Variants in TRIM62 observed in about 807,000 individuals in gnomAD.
TRIM62 encodes the protein E3 ubiquitin-protein ligase TRIM62.
In TRIM62, 39 loss-of-function variants were observed where a neutral mutation model predicts 44.2. That is an observed-to-expected ratio of 0.88 (90% CI 0.68 to 1.15). The LOEUF (loss-of-function observed/expected upper bound fraction) is 1.15, where lower values mean the gene tolerates loss of function less well. TRIM62 is among the 50% of genes most tolerant of loss of function. TRIM62 has a pLI of 0.00. For synonymous variants in TRIM62, 278 were observed against 292.3 expected, an observed-to-expected ratio of 0.95 and a Z score of 0.50; for missense variants, 544 against 665.5, an observed-to-expected ratio of 0.82 and a Z score of 2.01.
rs1225629843 is a variant in TRIM62, at chr1:33,177,345, AG to A, written c.408+3679del. On this transcript the variant is annotated intron_variant, in intron 1 of 4. Coordinates refer to ENST00000291416, the MANE Select transcript of TRIM62 (RefSeq NM_018207.3). The surrounding 1 kb of genome is among the most constrained non-coding windows in gnomAD (Gnocchi z 4.1). ...GCACAGTACTAGGCACTTCTGATAA[AG>A]GATCCCTAACCCTTACAACATCCTT... Among the ~76,000 whole-genome samples the A allele has an allele frequency of 6.6e-6, 1 of 152,224 alleles. No homozygotes were observed. Among genetic ancestry groups the A allele is most frequent in the Non-Finnish European group, 1.5e-5 (1 of 68,030 alleles).
chr1:33,175,001 G>GTATTTATATGTATATGTATATGTA (rs56292337), intron 1 of TRIM62, among the ~76,000 whole-genome samples: 13,038 of 135,442 alleles, frequency 0.096, 942 homozygotes, highest in Middle Eastern at 0.16. Context: ...ACACACACAT[G>GTATTTATATGTATATGTATATGTA]TATGTATATG....
chr1:33,162,634 C>T (rs1021037077), intron 2 of TRIM62, among the ~76,000 whole-genome samples: 3 of 152,108 alleles, frequency 2.0e-5, no homozygotes, highest in African/African-American at 7.2e-5. Context: ...GGTGCAGGCT[C>T]CAGCTTCTTT....
In TRIM62 at chr1:33,176,989, A is replaced by G. The variant is rs180957273; in HGVS notation, c.408+4036T>C. Among the ~76,000 whole-genome samples the G allele has an allele frequency of 2.6e-3, 397 of 152,278 alleles. 2 individuals carry two copies. The highest frequency in any genetic ancestry group is 8.0e-3 in the African/African-American group (334 of 41,548). On this transcript the variant is annotated intron_variant, in intron 1 of 4. Transcript: ENST00000291416. The stretch of plus-strand genomic sequence containing the variant: ...TTCCCTCCACTTTGCTCAGTGGTCC[A>G]GGTACTCAGCAGTGGAGGTGGGGAG...
Position 33,159,728 on chromosome 1 carries a change from G to C in TRIM62, c.721C>G (p.Arg241Gly). Residue 241 changes from arginine to glycine, a missense_variant, in exon 3 of 5, where the codon CGG becomes GGG. Transcript: ENST00000291416. The surrounding 1 kb of genome is among the most constrained non-coding windows in gnomAD (Gnocchi z 4.2). ...ILQERLAETD[R>G]HTFLAGVASL... is the part of the protein sequence containing the mutation. ...GCCACCCCAGCCAGGAAGGTGTGCCGGTCGGTTTCAGCCAGCCGCTCCTGC... is the reference window on the plus strand; with the variant it reads ...GCCACCCCAGCCAGGAAGGTGTGCCCGTCGGTTTCAGCCAGCCGCTCCTGC... The C allele has an allele frequency of 6.2e-7, 1 of 1,611,946 alleles. No individual in the cohort carries two copies.
chr1:33,158,108 A>T (rs1368608814), intron 4 of TRIM62, 145 bp downstream of exon 4: 2 of 653,628 alleles, frequency 3.1e-6, no homozygotes, highest in Non-Finnish European at 5.4e-6. Context: ...GCAGGTGCCC[A>T]GGACAGGTCC....
Position 33,181,078 on chromosome 1 carries a change from G to C in TRIM62, c.355C>G (p.Leu119Val), listed in dbSNP as rs1353279723. 2 of 1,599,224 alleles carry C rather than the reference G, an allele frequency of 1.3e-6. No homozygotes were observed. Among genetic ancestry groups the C allele is most frequent in the Admixed American group, 3.3e-5 (2 of 59,776 alleles). Residue 119 changes from leucine to valine, a missense_variant, in exon 1 of 5, where the codon CTG becomes GTG. Transcript: ENST00000291416. The surrounding 1 kb of genome is among the most constrained non-coding windows in gnomAD (Gnocchi z 6.5). ...LLCFFCDEPA[L>V]HEQHQVTGID... ...CCGGTGACCTGATGCTGCTCGTGCA[G>C]TGCAGGCTCGTCGCAGAAGAAGCAG...
At chr1:33,156,694 G>T (rs1645183459) in intron 4 of TRIM62, among the ~76,000 whole-genome samples, 1 of 152,118 alleles carries the variant, frequency 6.6e-6, no homozygotes, top group Non-Finnish European at 1.5e-5. Flanking sequence ...TAATGATGCT[G>T]GTGCTGACCT....
At chr1:33,160,018 G>A (rs1439110803) in intron 2 of TRIM62, 74 bp from the exon 3 acceptor site, 19 of 1,555,584 alleles carry the variant, frequency 1.2e-5, no homozygotes, top group South Asian at 1.2e-4. Flanking sequence ...GGAGGAAATC[G>A]AGAGCCTTGA....
rs1023341470 is a variant in TRIM62 at position 33,149,459 on chromosome 1, A to T, written c.878-1732T>A. On this transcript the variant is annotated intron_variant, in intron 4 of 4. Coordinates refer to ENST00000291416, the MANE Select transcript of TRIM62 (RefSeq NM_018207.3). ...ATGAGCCACTGTGCTGGATTCTTTT[A>T]AAAAAAAAAAATACAGACAGGGTCT... 8.9e-4 allele frequency among the ~76,000 whole-genome samples: 121 copies of T among 135,564 alleles called. 1 individual carries two copies. Among genetic ancestry groups the T allele is most frequent in the Admixed American group, 3.2e-3 (45 of 13,990 alleles). 88.9% of individuals were successfully genotyped at this position (135,564 alleles called of 152,430 possible). A position where few individuals can be genotyped will look rare whatever the true frequency, so the allele number is the denominator to read the frequency against.
chr1:33,173,700 T>TA (rs1398764304), intron 1 of TRIM62, among the ~76,000 whole-genome samples: 1 of 150,170 alleles, frequency 6.7e-6, no homozygotes, highest in African/African-American at 2.5e-5. Flanking sequence ...TTTCCCTAAT[T>TA]AAAAAAAATT....
Position 33,165,567 on chromosome 1 carries a change from C to G in TRIM62, c.409-1G>C. Reference sequence around the variant, plus strand: ...CCTGAAGTTGGTCCTTCAGCTCCCTCTGAAACACACACAGGGCCGGGATGG... The same window carrying G: ...CCTGAAGTTGGTCCTTCAGCTCCCTGTGAAACACACACAGGGCCGGGATGG... On this transcript the variant is annotated splice_acceptor_variant, in intron 1 of 4. Coordinates refer to ENST00000291416, the MANE Select transcript of TRIM62 (RefSeq NM_018207.3). LOFTEE classifies it high-confidence loss of function. This position sits in a 1 kb window ranked among gnomAD's most constrained non-coding sequence, Gnocchi z 4.0. The G allele has an allele frequency of 6.2e-7, 1 of 1,605,110 alleles. No individual in the cohort carries two copies. Among genetic ancestry groups the G allele is most frequent in the Middle Eastern group, 1.7e-4 (1 of 5,966 alleles).
rs924923456 is a variant in TRIM62, at chr1:33,157,389, T to C, written c.877+864A>G. On this transcript the variant is annotated intron_variant, in intron 4 of 4. Coordinates refer to ENST00000291416, the MANE Select transcript of TRIM62 (RefSeq NM_018207.3). ...TCCTCCAGATACCTACGTGGCTCACTCTTCTTCAGCCCTTGACTCTAATGC... is the reference window on the plus strand; with the variant it reads ...TCCTCCAGATACCTACGTGGCTCACCCTTCTTCAGCCCTTGACTCTAATGC... Among the ~76,000 whole-genome samples the C allele has an allele frequency of 3.3e-5, 5 of 152,244 alleles. 1 individual carries two copies. Among genetic ancestry groups the C allele is most frequent in the Middle Eastern group, 6.8e-3 (2 of 294 alleles).
In TRIM62 at chr1:33,167,822, T is replaced by C. The variant is rs1645342174; in HGVS notation, c.409-2256A>G. The stretch of plus-strand genomic sequence containing the variant: ...TGGGAAAATATTCATGATGACATGC[T>C]GATGGAAGAATGCAGGAAACAAAAT... On this transcript the variant is annotated intron_variant, in intron 1 of 4. Transcript: ENST00000291416. The surrounding 1 kb of genome is among the most constrained non-coding windows in gnomAD (Gnocchi z 4.2). Among the ~76,000 whole-genome samples the C allele has an allele frequency of 6.6e-6, 1 of 152,226 alleles. No homozygotes were observed. The highest frequency in any genetic ancestry group is 2.1e-4 in the South Asian group (1 of 4,830).
chr1:33,154,798 C>CAA (rs1362647592), intron 4 of TRIM62, among the ~76,000 whole-genome samples: 1 of 102,846 alleles, frequency 9.7e-6, no homozygotes. Context: ...ACTCCGTATC[C>CAA]AAAAAAAAAA....
At chr1:33,179,644 G>A (rs772172706) in intron 1 of TRIM62, among the ~76,000 whole-genome samples, 5 of 152,170 alleles carry the variant, frequency 3.3e-5, no homozygotes, top group Non-Finnish European at 7.4e-5. Flanking sequence ...TTATTGGTGT[G>A]TACTGTGGGC....
At position 33,147,616 on chromosome 1, in the gene TRIM62, G is replaced by A. The variant is rs1645038150; in HGVS notation, c.989C>T (p.Ser330Leu). The change falls in exon 5 of 5, where the codon TCG becomes TTG. Residue 330 changes from serine (S) to leucine (L), a missense_variant. Ser to Leu is a moderately radical substitution (Grantham distance 145). Coordinates refer to ENST00000291416, the MANE Select transcript of TRIM62 (RefSeq NM_018207.3). This position sits in a 1 kb window ranked among gnomAD's most constrained non-coding sequence, Gnocchi z 8.1. ...CACCTCCACATCGAAGCGCTTTGGC[G>A]AGTCCTGCAGTGGCTGTGGGTGCAA... is the stretch of plus-strand genomic sequence containing the variant. The part of the protein sequence containing the change: ...GNLHPQPLQD[S>L]PKRFDVEVSV... The A allele has an allele frequency of 1.9e-6, 3 of 1,614,124 alleles. No homozygotes were observed. Among genetic ancestry groups the A allele is most frequent in the Non-Finnish European group, 1.7e-6 (2 of 1,180,050 alleles).
At chr1:33,152,232 C>T (rs1236817987) in intron 4 of TRIM62, among the ~76,000 whole-genome samples, 5 of 152,200 alleles carry the variant, frequency 3.3e-5, no homozygotes, top group Non-Finnish European at 7.3e-5. Flanking sequence ...CTTTTCACAT[C>T]ATGCTCTTCC....
At chr1:33,175,892 C>T (rs1377423034) in intron 1 of TRIM62, among the ~76,000 whole-genome samples, 1 of 152,158 alleles carries the variant, frequency 6.6e-6, no homozygotes, top group Non-Finnish European at 1.5e-5. Context: ...TTGTTAGTCC[C>T]TACCAGGTCT....
intron 4 of TRIM62, among the ~76,000 whole-genome samples, chr1:33,155,792 C>T (rs898723320): frequency 2.0e-5 from 3 of 152,186 alleles, no homozygotes; most frequent in Non-Finnish European, 4.4e-5. Context: ...TTCTCTGCTG[C>T]CAGTCAGTTT....
Sources: gnomAD v4.1 joint callset for allele counts (sites outside exome capture counted in the v4.1 genomes callset) on GRCh38, gnomAD v4.1.1 for gene constraint, Gnocchi (gnomAD v3.1) non-coding constraint, MANE v1.5 for transcripts, NCBI Gene and HGNC (gene_info 2026-07-23, HGNC 2026-07-21) for gene names.